MACF1: variants seen among roughly 807,000 people sequenced by gnomAD.
The protein encoded by MACF1 is microtubule actin crosslinking factor 1.
Under a neutral mutation model 854.8 loss-of-function variants are expected in MACF1, and 193 were observed. The observed-to-expected ratio is 0.23, with a 90% CI of 0.20 to 0.25. MACF1 has a LOEUF of 0.25. Among genes scored for constraint, MACF1 ranks in the 10% least tolerant of loss-of-function variants. The pLI, the probability that MACF1 is intolerant of heterozygous loss-of-function variation, is 1.00. For missense variants in MACF1, 7,722 were observed against 8,929.1 expected, an observed-to-expected ratio of 0.86 and a Z score of 5.45; for synonymous variants, 3,185 against 3,226.7, an observed-to-expected ratio of 0.99 and a Z score of 0.44.
intron 2 of MACF1, among the ~76,000 whole-genome samples, chr1:39,177,177 C>G (rs1644040280): frequency 6.6e-6 from 1 of 152,054 alleles, no homozygotes; most frequent in South Asian, 2.1e-4. Context: ...CTCTTGTTGC[C>G]CAGGCTGGAG....
At chr1:39,196,272 A>G (rs1644319022) in intron 2 of MACF1, among the ~76,000 whole-genome samples, 1 of 152,236 alleles carries the variant, frequency 6.6e-6, no homozygotes, top group Non-Finnish European at 1.5e-5. Context: ...ATACGGAGCA[A>G]TAAATATGGA....
chr1:39,458,343 C>T, intron 89 of MACF1, 27 bp from the exon 90 acceptor site: 1 of 1,609,924 alleles, frequency 6.2e-7, no homozygotes, highest in Non-Finnish European at 8.5e-7. Flanking sequence ...ATATTTAACT[C>T]TTTTTCCTAT....
intron 97 of MACF1, among the ~76,000 whole-genome samples, chr1:39,476,773 G>A (rs79914265): frequency 0.011 from 1,698 of 151,792 alleles, 31 homozygotes; most frequent in African/African-American, 0.039. Context: ...GACATGTAGG[G>A]CATGGAGTAA....
intron 90 of MACF1, 170 bp downstream of exon 90, chr1:39,458,660 C>T (rs1450154310): frequency 2.6e-6 from 2 of 781,982 alleles, no homozygotes; most frequent in South Asian, 2.1e-5. Context: ...CAGACAGTAG[C>T]TGTACTCCAT....
At chr1:39,190,568 G>C (rs142405932) in intron 2 of MACF1, among the ~76,000 whole-genome samples, 55 of 151,518 alleles carry the variant, frequency 3.6e-4, no homozygotes, top group African/African-American at 1.3e-3. Flanking sequence ...TCGAACTCCT[G>C]GGCTCAAGAA....
intron 2 of MACF1, among the ~76,000 whole-genome samples, chr1:39,137,890 A>G (rs1483832774): frequency 6.6e-6 from 1 of 151,780 alleles, no homozygotes; most frequent in African/African-American, 2.4e-5. Context: ...CCTGGCCAAC[A>G]TGGAGAAACC....
At chr1:39,466,738 A>G (rs569435194) in intron 95 of MACF1, among the ~76,000 whole-genome samples, 50 of 152,338 alleles carry the variant, frequency 3.3e-4, no homozygotes, top group Admixed American at 8.5e-4. Flanking sequence ...TTCCCAGGAC[A>G]GGACGTGTAT....
chr1:39,161,158 TG>T (rs1292406232), intron 2 of MACF1, among the ~76,000 whole-genome samples: 1 of 152,192 alleles, frequency 6.6e-6, no homozygotes, highest in African/African-American at 2.4e-5. Flanking sequence ...TTCTCAAGCC[TG>T]TCAAAAACCT....
chr1:39,207,387 T>A (rs1199855327), intron 1 of MACF1, among the ~76,000 whole-genome samples: 1 of 151,988 alleles, frequency 6.6e-6, no homozygotes, highest in East Asian at 1.9e-4. Context: ...TTCAAGTGAT[T>A]CTCCTGCCTC....
intron 79 of MACF1, among the ~76,000 whole-genome samples, chr1:39,444,093 T>C (rs958237495): frequency 6.6e-6 from 1 of 152,202 alleles, no homozygotes; most frequent in Non-Finnish European, 1.5e-5. Flanking sequence ...CCCAGCACTT[T>C]GGGAGGCCGA....
Position 39,416,708 on chromosome 1 carries a change from C to G in MACF1, c.15817-5666C>G, listed in dbSNP as rs142699953. Among the ~76,000 whole-genome samples the G allele has an allele frequency of 1.8e-4, 28 of 152,256 alleles. No homozygotes were observed. The East Asian group carries it at 5.2e-3, about 28-fold the overall frequency. Reference sequence around the variant, plus strand: ...TATCCTTCCAGCTACAGGAGGTAATCCTTTTATGAAATATTGCCTGATGTA... The same window carrying G: ...TATCCTTCCAGCTACAGGAGGTAATGCTTTTATGAAATATTGCCTGATGTA... On this transcript the variant is annotated intron_variant, in intron 58 of 100. Coordinates refer to ENST00000564288, the MANE Select transcript of MACF1 (RefSeq NM_001394062.1).
At chr1:39,341,511 C>T (rs1170207890) in intron 40 of MACF1, among the ~76,000 whole-genome samples, 1 of 150,934 alleles carries the variant, frequency 6.6e-6, no homozygotes, top group African/African-American at 2.4e-5. Context: ...GCCTGGCCAA[C>T]ATGGTGAAAC....
chr1:39,226,596 C>G (rs1159017458), intron 1 of MACF1, among the ~76,000 whole-genome samples: 1 of 152,184 alleles, frequency 6.6e-6, no homozygotes, highest in South Asian at 2.1e-4. Context: ...GCCTCAGCCT[C>G]CCAAAGTGCT....
At position 39,181,325 on chromosome 1, in the gene MACF1, G is replaced by T. The variant is rs1394448059; in HGVS notation, c.221-49857G>T. ...GAAATTTGAGTATTTTAGTTTCCGA[G>T]TATTAGTAAAGAGTGGCTCACATTG... is the stretch of plus-strand genomic sequence containing the variant. On this transcript the variant is annotated intron_variant, in intron 2 of 93. Coordinates refer to the MACF1 transcript ENST00000361689. 1.1e-4 allele frequency among the ~76,000 whole-genome samples: 16 copies of T among 152,192 alleles called. No homozygotes were observed. In the South Asian group the frequency reaches 3.1e-3, roughly 30 times the overall value.
intron 58 of MACF1, among the ~76,000 whole-genome samples, chr1:39,392,091 C>G (rs1235841293): frequency 2.0e-5 from 3 of 152,204 alleles, no homozygotes; most frequent in Non-Finnish European, 4.4e-5. Flanking sequence ...ATCAAAAGCC[C>G]TGTTCCACCT....
Position 39,327,172 on chromosome 1 carries a change from A to G in MACF1, c.4479-46A>G, listed in dbSNP as rs1372201426. 6.6e-6 allele frequency: 10 copies of G among 1,511,372 alleles called. No homozygotes were observed. The African/African-American group carries it at 1.2e-4, about 19-fold the overall frequency. 93.6% of individuals were successfully genotyped at this position (1,511,372 alleles called of 1,614,324 possible). On this transcript the variant is annotated intron_variant, in intron 35 of 100. Coordinates refer to ENST00000564288, the MANE Select transcript of MACF1 (RefSeq NM_001394062.1). ...TGAAGCAATAGAGCAGAGTTTGGAG[A>G]TTGTTTTTTTTTCTCCTAAAAAAGC...
At position 39,334,725 on chromosome 1, in the gene MACF1, G is replaced by T; in HGVS notation, c.8137G>T (p.Val2713Leu). 1 of 1,614,112 alleles carries T rather than the reference G, an allele frequency of 6.2e-7. No individual in the cohort carries two copies. Among genetic ancestry groups the T allele is most frequent in the Non-Finnish European group, 8.5e-7 (1 of 1,180,004 alleles). Residue 2713 changes from valine to leucine, a missense_variant, in exon 37 of 101, where the codon GTG (valine) becomes TTG (leucine). Physicochemically the swap from Val to Leu is conservative, Grantham distance 32. Coordinates refer to ENST00000564288, the MANE Select transcript of MACF1 (RefSeq NM_001394062.1). ...TLASALEEKL[V>L]DENMVRIIAS... ...GGCATCAGCTTTGGAAGAGAAACTG[G>T]TGGATGAAAACATGGTCAGAATTAT... is the stretch of plus-strand genomic sequence containing the variant.
intron 2 of MACF1, among the ~76,000 whole-genome samples, chr1:39,099,160 A>T (rs1221747953): frequency 6.6e-6 from 1 of 152,146 alleles, no homozygotes; most frequent in Non-Finnish European, 1.5e-5. Flanking sequence ...CTAGCAAAGA[A>T]TTTCTTTTTT....
chr1:39,382,192 A>C, intron 56 of MACF1, 40 bp downstream of exon 56: 2 of 1,578,464 alleles, frequency 1.3e-6, no homozygotes, highest in Non-Finnish European at 1.7e-6. Flanking sequence ...ATCACATGAA[A>C]CTGGGTTTGA....
Sources: gnomAD v4.1 joint callset for allele counts (sites outside exome capture counted in the v4.1 genomes callset) on GRCh38, gnomAD v4.1.1 for gene constraint, MANE v1.5 for transcripts, NCBI Gene and HGNC (gene_info 2026-07-23, HGNC 2026-07-21) for gene names.